The following CNTNAP2 variants were observed in gnomAD, a reference collection of about 807,000 sequenced individuals.
CNTNAP2 encodes the protein contactin-associated protein-like 2.
Under a neutral mutation model 155.2 loss-of-function variants are expected in CNTNAP2, and 98 were observed. That is an observed-to-expected ratio of 0.63 (90% CI 0.54 to 0.75). CNTNAP2 has a LOEUF of 0.75. Among genes scored for constraint, CNTNAP2 ranks in the 30% least tolerant of loss-of-function variants. CNTNAP2 has a pLI of 0.00. For synonymous variants in CNTNAP2, 651 were observed against 631.2 expected, an observed-to-expected ratio of 1.03 and a Z score of -0.47; for missense variants, 1,727 against 1,688.1, an observed-to-expected ratio of 1.02 and a Z score of -0.40.
intron 2 of CNTNAP2, among the ~76,000 whole-genome samples, chr7:146,794,714 G>A (rs796663443): frequency 5.5e-4 from 84 of 152,238 alleles, no homozygotes; most frequent in African/African-American, 1.9e-3. Context: ...ACTATGATAC[G>A]AATGCTCCAA....
chr7:146,126,725 A>G (rs1044730729), intron 1 of CNTNAP2, among the ~76,000 whole-genome samples: 2 of 152,248 alleles, frequency 1.3e-5, no homozygotes, highest in Non-Finnish European at 2.9e-5. Flanking sequence ...ATTTCATACA[A>G]TAGCTAATCC....
intron 14 of CNTNAP2, among the ~76,000 whole-genome samples, chr7:147,905,914 C>CAAACA (rs1799949391): frequency 6.8e-6 from 1 of 146,284 alleles, no homozygotes; most frequent in Non-Finnish European, 1.5e-5. Flanking sequence ...AACAAACAAA[C>CAAACA]AAAAAAAAAC....
intron 1 of CNTNAP2, among the ~76,000 whole-genome samples, chr7:146,569,057 C>T (rs1798400705): frequency 6.6e-6 from 1 of 151,852 alleles, no homozygotes; most frequent in Non-Finnish European, 1.5e-5. Context: ...CGCTCTGTCG[C>T]CCAGGCTGGA....
At chr7:147,813,594 C>A (rs148392738) in intron 13 of CNTNAP2, among the ~76,000 whole-genome samples, 1 of 152,286 alleles carries the variant, frequency 6.6e-6, no homozygotes, top group Middle Eastern at 3.4e-3. Flanking sequence ...GCTCACTGAA[C>A]CTCCTAGCAA....
chr7:147,537,105 G>A (rs370042786), intron 11 of CNTNAP2, among the ~76,000 whole-genome samples: 2 of 152,134 alleles, frequency 1.3e-5, no homozygotes, highest in South Asian at 2.1e-4. Flanking sequence ...ACTTTAGCAC[G>A]TTACAGATTC....
chr7:147,015,132 C>T (rs150540153), intron 3 of CNTNAP2, among the ~76,000 whole-genome samples: 3 of 148,274 alleles, frequency 2.0e-5, no homozygotes, highest in East Asian at 2.0e-4. Flanking sequence ...TATTTTTAGG[C>T]AGTTTAGGAA....
intron 10 of CNTNAP2, among the ~76,000 whole-genome samples, chr7:147,408,808 A>G (rs1797054026): frequency 1.3e-5 from 2 of 152,154 alleles, no homozygotes; most frequent in Admixed American, 1.3e-4. Flanking sequence ...ACTGTAATTT[A>G]TCCTTTGAGC....
At chr7:147,617,276 A>G (rs1801311349) in intron 12 of CNTNAP2, among the ~76,000 whole-genome samples, 1 of 152,152 alleles carries the variant, frequency 6.6e-6, no homozygotes, top group Admixed American at 6.6e-5. Flanking sequence ...TCTCTGTTTT[A>G]GCACTTGTTT....
At chr7:147,560,257 A>G (rs1457800679) in intron 11 of CNTNAP2, among the ~76,000 whole-genome samples, 2 of 151,460 alleles carry the variant, frequency 1.3e-5, no homozygotes, top group Admixed American at 6.6e-5. Context: ...GTAATCTTTC[A>G]ACTGGCAGCC....
intron 1 of CNTNAP2, among the ~76,000 whole-genome samples, chr7:146,225,567 A>T (rs892306525): frequency 2.0e-5 from 3 of 151,578 alleles, no homozygotes; most frequent in African/African-American, 7.3e-5. Flanking sequence ...CTCTAACCAA[A>T]TAGAAGAAAA....
intron 1 of CNTNAP2, among the ~76,000 whole-genome samples, chr7:146,683,401 CAAT>C (rs1376673482): frequency 6.6e-6 from 1 of 152,104 alleles, no homozygotes. Context: ...ATATTTTCCT[CAAT>C]AAAAGTGTCA....
chr7:148,347,007 A>G (rs1585294203), intron 21 of CNTNAP2, among the ~76,000 whole-genome samples: 1 of 152,020 alleles, frequency 6.6e-6, no homozygotes, highest in Non-Finnish European at 1.5e-5. Flanking sequence ...CTGTAATCCC[A>G]GCACTTTGGG....
intron 15 of CNTNAP2, among the ~76,000 whole-genome samples, chr7:148,034,498 C>T (rs1432610063): frequency 1.3e-5 from 2 of 152,140 alleles, no homozygotes; most frequent in African/African-American, 4.8e-5. Flanking sequence ...CCCCTCTTGC[C>T]TTCTGCCATG....
chr7:147,930,951 CAAAT>C (rs1228881276), intron 14 of CNTNAP2, among the ~76,000 whole-genome samples: 1 of 151,908 alleles, frequency 6.6e-6, no homozygotes. Context: ...ATGAATAGGT[CAAAT>C]AAATAAATCA....
chr7:147,639,075 T>G lies in CNTNAP2; in HGVS notation c.1898-31T>G, dbSNP rs750466892. 12 of 1,607,364 alleles carry G rather than the reference T, an allele frequency of 7.5e-6. No individual in the cohort carries two copies. In the African/African-American group the frequency reaches 1.6e-4, roughly 21 times the overall value. On this transcript the variant is annotated intron_variant, in intron 12 of 23. Transcript: ENST00000361727. ...TGGAGAAGCATTTGCATACTAATGATCCAGGGTCCTGGTTGTTTTTCTCCC... is the reference window on the plus strand; with the variant it reads ...TGGAGAAGCATTTGCATACTAATGAGCCAGGGTCCTGGTTGTTTTTCTCCC...
intron 1 of CNTNAP2, among the ~76,000 whole-genome samples, chr7:146,490,669 G>A (rs757136690): frequency 1.7e-4 from 26 of 152,206 alleles, no homozygotes; most frequent in African/African-American, 4.3e-4. Flanking sequence ...TTAAAATATC[G>A]TATATATTTG....
intron 16 of CNTNAP2, among the ~76,000 whole-genome samples, chr7:148,141,896 G>A (rs143959240): frequency 1.6e-3 from 251 of 152,298 alleles, no homozygotes; most frequent in Non-Finnish European, 3.0e-3. Flanking sequence ...TTCAAATGTT[G>A]TGAAGGAGAA....
intron 14 of CNTNAP2, among the ~76,000 whole-genome samples, chr7:147,951,614 AT>A (rs1800931321): frequency 6.6e-6 from 1 of 152,218 alleles, no homozygotes; most frequent in Non-Finnish European, 1.5e-5. Flanking sequence ...AAAGTGTTAA[AT>A]CAAAGAGCAG....
intron 16 of CNTNAP2, among the ~76,000 whole-genome samples, chr7:148,140,874 G>C (rs1248625649): frequency 6.6e-6 from 1 of 152,216 alleles, no homozygotes. Flanking sequence ...AAAGCCAAAG[G>C]CAAGGGCCAG....
Sources: gnomAD v4.1 joint callset for allele counts (sites outside exome capture counted in the v4.1 genomes callset) on GRCh38, gnomAD v4.1.1 for gene constraint, MANE v1.5 for transcripts, NCBI Gene and HGNC (gene_info 2026-07-23, HGNC 2026-07-21) for gene names.